The following SDK1 variants were observed in gnomAD, a reference collection of about 807,000 sequenced individuals.
SDK1 encodes the protein sidekick cell adhesion molecule 1.
In SDK1, 157 loss-of-function variants were observed where a neutral mutation model predicts 245.5. The observed-to-expected ratio is 0.64, with a 90% CI of 0.56 to 0.73. The LOEUF is 0.73. Among genes scored for constraint, SDK1 ranks in the 30% least tolerant of loss-of-function variants. SDK1 has a pLI of 0.00. For synonymous variants in SDK1, 1,647 were observed against 1,278.5 expected (o/e 1.29, Z -6.15); for missense variants, 3,583 against 3,002.3 (o/e 1.19, Z -4.52).
chr7:4,153,848 T>C (rs544614615), intron 30 of SDK1, among the ~76,000 whole-genome samples: 11 of 67,440 alleles, frequency 1.6e-4, no homozygotes, highest in African/African-American at 1.2e-3. Flanking sequence ...GGCTAATGTT[T>C]AATTTTTTTT....
At chr7:3,867,731 A>G (rs186058317) in intron 5 of SDK1, among the ~76,000 whole-genome samples, 1 of 152,334 alleles carries the variant, frequency 6.6e-6, no homozygotes, top group African/African-American at 2.4e-5. Context: ...ACAAAGCCAA[A>G]GCACATCACT....
chr7:3,797,458 T>TACAC lies in SDK1; in HGVS notation c.714-23958_714-23955dup, dbSNP rs34376723. On this transcript the variant is annotated intron_variant, in intron 4 of 44. Transcript: ENST00000404826. ...TGTACATGTACAAGAGGGGTGTGTA[T>TACAC]ACACACACACACACACACACACACA... 4.9e-3 allele frequency among the ~76,000 whole-genome samples: 728 copies of TACAC among 147,592 alleles called. 3 individuals carry two copies. Among genetic ancestry groups the TACAC allele is most frequent in the African/African-American group, 0.016 (638 of 40,124 alleles).
intron 1 of SDK1, among the ~76,000 whole-genome samples, chr7:3,313,314 G>A (rs1424440718): frequency 6.6e-6 from 1 of 152,182 alleles, no homozygotes; most frequent in Non-Finnish European, 1.5e-5. Flanking sequence ...GGCTGAAGCA[G>A]GACAATTGCT....
At chr7:3,545,868 T>A (rs1212678792) in intron 1 of SDK1, among the ~76,000 whole-genome samples, 1 of 152,244 alleles carries the variant, frequency 6.6e-6, no homozygotes, top group Admixed American at 6.5e-5. Context: ...TAAAATATAA[T>A]TTCTGTTCTG....
intron 5 of SDK1, among the ~76,000 whole-genome samples, chr7:3,826,750 C>G (rs1010134052): frequency 5.9e-5 from 9 of 152,218 alleles, no homozygotes; most frequent in African/African-American, 2.2e-4. Context: ...CTGGGGCCAC[C>G]TGACCAACAG....
chr7:3,858,134 G>C (rs1780591509), intron 5 of SDK1, among the ~76,000 whole-genome samples: 1 of 152,186 alleles, frequency 6.6e-6, no homozygotes, highest in Non-Finnish European at 1.5e-5. Context: ...CAATGGATTA[G>C]TTAAGGATAA....
At chr7:3,842,771 G>A (rs556180181) in intron 5 of SDK1, among the ~76,000 whole-genome samples, 1 of 152,138 alleles carries the variant, frequency 6.6e-6, no homozygotes, top group South Asian at 2.1e-4. Context: ...CTTCTTCACG[G>A]GAATTCCGCT....
intron 16 of SDK1, among the ~76,000 whole-genome samples, chr7:4,016,625 C>T (rs981184672): frequency 2.6e-5 from 4 of 152,308 alleles, no homozygotes; most frequent in Admixed American, 2.0e-4. Flanking sequence ...TTCTACAAAG[C>T]AATTTGTCAT....
intron 1 of SDK1, among the ~76,000 whole-genome samples, chr7:3,597,213 A>T (rs1028659462): frequency 6.7e-6 from 1 of 148,988 alleles, no homozygotes; most frequent in Non-Finnish European, 1.5e-5. Context: ...CGGAGCTTGC[A>T]GTGAGCCCAG....
intron 5 of SDK1, among the ~76,000 whole-genome samples, chr7:3,912,825 A>C (rs1227016213): frequency 6.6e-6 from 1 of 152,336 alleles, no homozygotes; most frequent in Non-Finnish European, 1.5e-5. Context: ...CGATTTCTTT[A>C]TTTATACATG....
At chr7:3,778,262 C>T (rs1780622789) in intron 4 of SDK1, among the ~76,000 whole-genome samples, 1 of 151,964 alleles carries the variant, frequency 6.6e-6, no homozygotes. Flanking sequence ...TATATTAGTC[C>T]ATATTTTAAT....
Position 3,313,838 on chromosome 7 carries a change from T to C in SDK1, c.298+11954T>C, listed in dbSNP as rs572942437. Among the ~76,000 whole-genome samples, 18 of 152,354 alleles carry C rather than the reference T, an allele frequency of 1.2e-4. No individual in the cohort carries two copies. In the South Asian group the frequency reaches 3.5e-3, roughly 30 times the overall value. ...TCCTACCACAAAAAAGTATGTGAAG[T>C]AATACATATAATTAGCTCTATTTAG... On this transcript the variant is annotated intron_variant, in intron 1 of 44. Transcript: ENST00000404826.
At chr7:3,906,355 A>G (rs1170412589) in intron 5 of SDK1, among the ~76,000 whole-genome samples, 1 of 152,140 alleles carries the variant, frequency 6.6e-6, no homozygotes, top group East Asian at 1.9e-4. Context: ...AGAACATACT[A>G]ATCTTTACAA....
intron 22 of SDK1, among the ~76,000 whole-genome samples, chr7:4,109,024 C>G (rs1227128696): frequency 6.6e-6 from 1 of 152,206 alleles, no homozygotes; most frequent in Non-Finnish European, 1.5e-5. Context: ...CTTTCTATGG[C>G]TGAATCCTGT....
At chr7:3,765,951 A>G (rs1780240218) in intron 4 of SDK1, among the ~76,000 whole-genome samples, 1 of 152,210 alleles carries the variant, frequency 6.6e-6, no homozygotes, top group African/African-American at 2.4e-5. Context: ...TGATGTCACC[A>G]TCCTCCATGA....
intron 4 of SDK1, among the ~76,000 whole-genome samples, chr7:3,729,552 A>T (rs945422674): frequency 7.2e-5 from 11 of 152,216 alleles, no homozygotes; most frequent in African/African-American, 2.7e-4. Context: ...CTGACCCACA[A>T]TGCCAACAGT....
At chr7:4,241,934 T>TGCGCC (rs759677267) in intron 43 of SDK1, 21 bp downstream of exon 43, 2 of 1,609,752 alleles carry the variant, frequency 1.2e-6, no homozygotes, top group Admixed American at 1.7e-5. Context: ...AGTGCTGTGC[T>TGCGCC]GCGCCCACCT....
intron 4 of SDK1, among the ~76,000 whole-genome samples, chr7:3,780,375 C>T (rs1461435393): frequency 6.6e-6 from 1 of 152,180 alleles, no homozygotes; most frequent in Non-Finnish European, 1.5e-5. Context: ...GGCCACAGTG[C>T]CTAGGGTCAG....
intron 5 of SDK1, among the ~76,000 whole-genome samples, chr7:3,872,411 A>T (rs755608768): frequency 6.6e-6 from 1 of 151,946 alleles, no homozygotes; most frequent in Admixed American, 6.6e-5. Context: ...CTGGAGTTTT[A>T]TTTTATTTTG....
Sources: allele counts gnomAD v4.1 joint callset (sites outside exome capture counted in the v4.1 genomes callset), GRCh38; gene constraint gnomAD v4.1.1; transcripts MANE v1.5; gene names NCBI Gene and HGNC (gene_info 2026-07-23, HGNC 2026-07-21).